The following SHISA9 variants were observed in gnomAD, a reference collection of about 807,000 sequenced individuals.
SHISA9 encodes the protein shisa family member 9.
Under a neutral mutation model 38.0 loss-of-function variants are expected in SHISA9, and 13 were observed. The ratio of observed to expected loss-of-function variants is 0.34; its 90% CI spans 0.22 to 0.54. SHISA9 has a LOEUF of 0.54. SHISA9 is among the 20% of genes least tolerant of loss of function. The probability of loss-of-function intolerance (pLI) is 0.91; values close to 1 mark genes in which losing one functional copy is unlikely to be tolerated. For synonymous variants in SHISA9, 275 were observed against 242.0 expected (o/e 1.14, Z -1.27); for missense variants, 538 against 575.8 (o/e 0.93, Z 0.67).
At chr16:13,367,025 A>G in the SHISA9 span, among the ~76,000 whole-genome samples, 2 of 151,504 alleles carry the variant, frequency 1.3e-5, no homozygotes, top group African/African-American at 4.9e-5. Flanking sequence ...GGTTGTAAAA[A>G]TCTGGGTTAA....
chr16:13,540,587 C>T, the SHISA9 span, among the ~76,000 whole-genome samples: 1 of 152,134 alleles, frequency 6.6e-6, no homozygotes, highest in African/African-American at 2.4e-5. Flanking sequence ...TTCCCCATTC[C>T]CCTACTGATT....
chr16:13,304,743 A>T, the SHISA9 span, among the ~76,000 whole-genome samples: 3 of 152,204 alleles, frequency 2.0e-5, no homozygotes, highest in Admixed American at 2.0e-4. Flanking sequence ...TGGAAAACTG[A>T]TTCGTAGTGA....
chr16:13,536,858 C>A, the SHISA9 span, among the ~76,000 whole-genome samples: 1 of 152,162 alleles, frequency 6.6e-6, no homozygotes, highest in Non-Finnish European at 1.5e-5. Flanking sequence ...TTATTAATGG[C>A]TAAACAGAAT....
chr16:13,372,136 A>G, the SHISA9 span, among the ~76,000 whole-genome samples: 1 of 152,150 alleles, frequency 6.6e-6, no homozygotes, highest in African/African-American at 2.4e-5. Context: ...TAGGGTGGGG[A>G]GTATCATGGA....
the SHISA9 span, among the ~76,000 whole-genome samples, chr16:13,438,069 C>G: frequency 6.6e-6 from 1 of 151,936 alleles, no homozygotes; most frequent in Non-Finnish European, 1.5e-5. Flanking sequence ...TTTCACCATG[C>G]TGGCCAGGCT....
At chr16:13,013,988 C>G (rs147245829) in intron 2 of SHISA9, among the ~76,000 whole-genome samples, 1,728 of 152,244 alleles carry the variant, frequency 0.011, 9 homozygotes, top group South Asian at 0.024. Flanking sequence ...CTCTGCCTCC[C>G]AAAGTGCTGG....
At chr16:13,203,841 T>G (rs538334391) in intron 3 of SHISA9, among the ~76,000 whole-genome samples, 1 of 152,240 alleles carries the variant, frequency 6.6e-6, no homozygotes, top group South Asian at 2.1e-4. Flanking sequence ...CCTACCTACA[T>G]ATGTATTATC....
intron 2 of SHISA9, among the ~76,000 whole-genome samples, chr16:12,961,087 G>A (rs577888721): frequency 6.3e-4 from 96 of 152,282 alleles, no homozygotes; most frequent in Non-Finnish European, 1.2e-3. Context: ...AGGGGTCAGG[G>A]GACGTTTTCC....
the SHISA9 span, among the ~76,000 whole-genome samples, chr16:13,271,399 T>C: frequency 1.3e-5 from 2 of 152,114 alleles, no homozygotes; most frequent in African/African-American, 4.8e-5. Flanking sequence ...ACCACAGATG[T>C]AGACCAATTT....
the SHISA9 span, among the ~76,000 whole-genome samples, chr16:13,286,463 A>G: frequency 6.6e-6 from 1 of 152,222 alleles, no homozygotes; most frequent in African/African-American, 2.4e-5. Flanking sequence ...ACACCAGTGT[A>G]AAATTACAGT....
the SHISA9 span, among the ~76,000 whole-genome samples, chr16:13,560,857 CT>C: frequency 1.3e-5 from 2 of 151,400 alleles, no homozygotes; most frequent in Non-Finnish European, 1.5e-5. Flanking sequence ...TTCTTAACAA[CT>C]TTTTTTTGTT....
chr16:13,185,480 A>G (rs2050812715), intron 2 of SHISA9, among the ~76,000 whole-genome samples: 2 of 152,176 alleles, frequency 1.3e-5, no homozygotes, highest in African/African-American at 4.8e-5. Flanking sequence ...CTACGATTAT[A>G]GTCATGGACT....
chr16:13,149,852 G>C (rs1467358848), intron 2 of SHISA9, among the ~76,000 whole-genome samples: 1 of 150,218 alleles, frequency 6.7e-6, no homozygotes, highest in Non-Finnish European at 1.5e-5. Context: ...TTGAACCTAG[G>C]AAGCAGAGGT....
At chr16:13,051,999 G>A (rs953108100) in intron 2 of SHISA9, among the ~76,000 whole-genome samples, 2 of 152,086 alleles carry the variant, frequency 1.3e-5, no homozygotes, top group African/African-American at 2.4e-5. Flanking sequence ...TCCTGACCTC[G>A]TGATCCGCCT....
chr16:13,033,784 A>G (rs1015417220), intron 2 of SHISA9, among the ~76,000 whole-genome samples: 1 of 152,220 alleles, frequency 6.6e-6, no homozygotes, highest in East Asian at 1.9e-4. Flanking sequence ...ATAGGCCTCC[A>G]TTATTTTCAG....
the SHISA9 span, among the ~76,000 whole-genome samples, chr16:13,481,500 T>G: frequency 6.6e-6 from 1 of 152,206 alleles, no homozygotes; most frequent in African/African-American, 2.4e-5. Context: ...TAGAGGTGCA[T>G]CCCCTCTGCT....
chr16:13,351,446 C>T, the SHISA9 span, among the ~76,000 whole-genome samples: 2 of 152,150 alleles, frequency 1.3e-5, no homozygotes, highest in Non-Finnish European at 2.9e-5. Flanking sequence ...GAAGGATGAA[C>T]TGAGGACTGT....
chr16:13,062,965 G>A (rs935494922), intron 2 of SHISA9, among the ~76,000 whole-genome samples: 10 of 141,838 alleles, frequency 7.1e-5, no homozygotes, highest in African/African-American at 1.8e-4. Flanking sequence ...GCTTTCGGAC[G>A]CATCCCTCAC....
chr16:13,238,895 TA>T lies in SHISA9; in HGVS notation c.*3487del, dbSNP rs1432808489. ...ACATGTGCACAATGTGCAGGTTAGT[TA>T]CATATGTATACACGTGTCATGCTGG... On this transcript the variant is annotated 3_prime_UTR_variant, in exon 5 of 5. Transcript: ENST00000558583. 2 of 150,092 alleles carry T rather than the reference TA, an allele frequency of 1.3e-5. No homozygotes were observed. Among genetic ancestry groups the T allele is most frequent in the Non-Finnish European group, 3.0e-5 (2 of 67,630 alleles). 9.3% of individuals were successfully genotyped at this position (150,092 alleles called of 1,614,324 possible).
Sources: allele counts gnomAD v4.1 joint callset (sites outside exome capture counted in the v4.1 genomes callset), GRCh38; gene constraint gnomAD v4.1.1; transcripts MANE v1.5; gene names NCBI Gene and HGNC (gene_info 2026-07-23, HGNC 2026-07-21).